The following COL2A1 variants were observed in gnomAD, a reference collection of about 807,000 sequenced individuals.
The protein encoded by COL2A1 is collagen type II alpha 1 chain, also known as collagen alpha-1(II) chain.
Under a neutral mutation model 204.5 loss-of-function variants are expected in COL2A1, and 28 were observed. The ratio of observed to expected loss-of-function variants is 0.14; its 90% CI spans 0.10 to 0.19. COL2A1 has a LOEUF of 0.19. COL2A1 is among the 10% of genes least tolerant of loss of function. The pLI, the probability that COL2A1 is intolerant of heterozygous loss-of-function variation, is 1.00. For missense variants in COL2A1, 1,388 were observed against 2,027.5 expected (o/e 0.68, Z 6.06); for synonymous variants, 708 against 718.7 (o/e 0.99, Z 0.24).
Position 47,976,994 on chromosome 12 carries a change from A to C in COL2A1, c.3328-75T>G. ...GCCCCCTCCTGTCCCACCCAAGCTG[A>C]GGAATCCCCGGAAACACAGGGCTGG... On this transcript the variant is annotated intron_variant, in intron 47 of 53. Coordinates refer to ENST00000380518, the MANE Select transcript of COL2A1 (RefSeq NM_001844.5). The surrounding 1 kb of genome is among the most constrained non-coding windows in gnomAD (Gnocchi z 4.3). 6.5e-7 allele frequency: 1 copy of C among 1,536,132 alleles called. No individual in the cohort carries two copies. The highest frequency in any genetic ancestry group is 2.3e-5 in the East Asian group (1 of 42,568).
At chr12:47,981,098 G>T in intron 37 of COL2A1, 130 bp from the exon 38 acceptor site, 3 of 1,011,424 alleles carry the variant, frequency 3.0e-6, no homozygotes, top group Non-Finnish European at 4.4e-6. Context: ...AGCAGCCTTA[G>T]TCCTGAACGC....
At position 47,976,600 on chromosome 12, in the gene COL2A1, C is replaced by T. The variant is rs776413647; in HGVS notation, c.3436-33G>A. 3.7e-6 allele frequency: 6 copies of T among 1,607,610 alleles called. No homozygotes were observed. Among genetic ancestry groups the T allele is most frequent in the East Asian group, 2.2e-5 (1 of 44,854 alleles). On this transcript the variant is annotated intron_variant, in intron 48 of 53. Coordinates refer to ENST00000380518, the MANE Select transcript of COL2A1 (RefSeq NM_001844.5). The surrounding 1 kb of genome is among the most constrained non-coding windows in gnomAD (Gnocchi z 4.3). ...GAAGGAAGAGGCAAAAGGCCACGGTCAGCACAGACATATCTATCTATATTC... is the reference window on the plus strand; with the variant it reads ...GAAGGAAGAGGCAAAAGGCCACGGTTAGCACAGACATATCTATCTATATTC...
At chr12:47,992,778 C>T (rs1160610940) in intron 16 of COL2A1, 100 bp downstream of exon 16, 2 of 1,219,232 alleles carry the variant, frequency 1.6e-6, no homozygotes, top group Admixed American at 1.8e-5. Context: ...TAACAATACT[C>T]CCTATGCCTC....
At position 47,989,273 on chromosome 12, in the gene COL2A1, G is replaced by C. The variant is rs202002349; in HGVS notation, c.1077C>G (p.Val359=). The stretch of plus-strand genomic sequence containing the variant: ...GGAAGCCAGGACCACCAGCAGGACC[G>C]ACAGGACCCTGGAGAGAGTAGGCGG... ...QPGPAGPPGP[V]GPAGGPGFPG... Residue 359 remains valine, a synonymous_variant, in exon 18 of 54, where the codon GTC becomes GTG. Transcript: ENST00000380518. The C allele has an allele frequency of 3.9e-5, 63 of 1,612,778 alleles. No homozygotes were observed. The highest frequency in any genetic ancestry group is 5.3e-5 in the Non-Finnish European group (62 of 1,179,732).
chr12:47,992,488 T>A (rs1939752947), intron 16 of COL2A1, among the ~76,000 whole-genome samples: 1 of 152,212 alleles, frequency 6.6e-6, no homozygotes, highest in African/African-American at 2.4e-5. Context: ...GCCCTGTGAG[T>A]TGATGCTCAC....
Position 47,978,049 on chromosome 12 carries a change from A to G in COL2A1, c.3072T>C (p.Pro1024=). ...GDRGPPGPVG[P]PGLTGPAGEP... is the part of the protein sequence containing the mutation. Reference sequence around the variant, plus strand: ...CACCTGCAGGACCCGTCAGGCCAGGAGGACCCACGGGGCCAGGAGGACCTC... The same window carrying G: ...CACCTGCAGGACCCGTCAGGCCAGGGGGACCCACGGGGCCAGGAGGACCTC... Residue 1024 remains proline, a synonymous_variant, in exon 44 of 54, where the codon CCT becomes CCC. Coordinates refer to ENST00000380518, the MANE Select transcript of COL2A1 (RefSeq NM_001844.5). The surrounding 1 kb of genome is among the most constrained non-coding windows in gnomAD (Gnocchi z 5.5). 6.2e-7 allele frequency: 1 copy of G among 1,613,716 alleles called. No individual in the cohort carries two copies. The highest frequency in any genetic ancestry group is 8.5e-7 in the Non-Finnish European group (1 of 1,179,956).
At chr12:48,005,462 G>A (rs1940431383), upstream of COL2A1, 1 of 152,250 alleles carries the variant, frequency 6.6e-6, no homozygotes, top group Admixed American at 6.5e-5. Context: ...CACTGCTGCG[G>A]CCCTGGCCAG....
Position 47,978,066 on chromosome 12 carries a change from G to A in COL2A1, c.3055C>T (p.Pro1019Ser). Residue 1019 changes from proline to serine, a missense_variant, in exon 44 of 54, where the codon CCT becomes TCT. Coordinates refer to ENST00000380518, the MANE Select transcript of COL2A1 (RefSeq NM_001844.5). The surrounding 1 kb of genome is among the most constrained non-coding windows in gnomAD (Gnocchi z 5.5). ...APGASGDRGP[P>S]GPVGPPGLTG... ...AGGCCAGGAGGACCCACGGGGCCAG[G>A]AGGACCTCTGTCTCCAGATGCTCCA... 1.2e-6 allele frequency: 2 copies of A among 1,613,832 alleles called. No individual in the cohort carries two copies. Among genetic ancestry groups the A allele is most frequent in the Non-Finnish European group, 1.7e-6 (2 of 1,180,014 alleles).
chr12:47,975,625 G>T lies in COL2A1; in HGVS notation c.3598-20C>A, dbSNP rs772459210. The T allele has an allele frequency of 1.3e-6, 2 of 1,597,438 alleles. No individual in the cohort carries two copies. Among genetic ancestry groups the T allele is most frequent in the African/African-American group, 1.3e-5 (1 of 74,954 alleles). ...AGGACCCTGCAGCAGGAAACAGAGA[G>T]ATCAGCCAGGATTGTGTGAAAGTGC... On this transcript the variant is annotated intron_variant, in intron 50 of 53. Transcript: ENST00000380518.
Position 47,985,398 on chromosome 12 carries a change from A to G in COL2A1, c.1734+136T>C, listed in dbSNP as rs927409322. The G allele has an allele frequency of 1.1e-5, 10 of 948,792 alleles. No homozygotes were observed. In the Admixed American group the frequency reaches 1.7e-4, roughly 16 times the overall value. The allele number at this position is 948,792 out of a possible 1,614,324, so 58.8% of individuals were successfully genotyped here. A position where few individuals can be genotyped will look rare whatever the true frequency, so the allele number is the denominator to read the frequency against. ...CAGGTTACATCTGGCCCCAGTGCCT[A>G]CCATCTACCCCCTGTCACAATTCTC... is the stretch of plus-strand genomic sequence containing the variant. On this transcript the variant is annotated intron_variant, in intron 26 of 53. Transcript: ENST00000380518.
intron 1 of COL2A1, among the ~76,000 whole-genome samples, chr12:48,001,796 C>G (rs561690226): frequency 2.6e-5 from 4 of 152,296 alleles, no homozygotes; most frequent in South Asian, 2.1e-4. Context: ...TAGGTGTGGA[C>G]GGAGGAGCCC....
chr12:47,993,014 G>A (rs141935595), intron 15 of COL2A1, 83 bp from the exon 16 acceptor site: 76 of 1,300,410 alleles, frequency 5.8e-5, no homozygotes, highest in Middle Eastern at 3.6e-4. Flanking sequence ...GGCCCTTTGC[G>A]GATACCAGAG....
chr12:47,998,104 A>G (rs2136628854), intron 4 of COL2A1, 40 bp from the exon 5 acceptor site: 1 of 1,614,196 alleles, frequency 6.2e-7, no homozygotes, highest in Non-Finnish European at 8.5e-7. Context: ...GTTAGAGGAG[A>G]GCACAAGGAA....
chr12:47,980,749 TG>T lies in COL2A1; in HGVS notation c.2518-89del, dbSNP rs902177051. 1.4e-6 allele frequency: 2 copies of T among 1,426,710 alleles called. No individual in the cohort carries two copies. Among genetic ancestry groups the T allele is most frequent in the African/African-American group, 2.8e-5 (2 of 70,498 alleles). 88.4% of individuals were successfully genotyped at this position (1,426,710 alleles called of 1,614,324 possible). A position where few individuals can be genotyped will look rare whatever the true frequency, so the allele number is the denominator to read the frequency against. The stretch of plus-strand genomic sequence containing the variant: ...AAGAGCAGGAGACTCTGTGAGTATC[TG>T]CGTGTGTGTCCTGGTCTGGACATGA... On this transcript the variant is annotated intron_variant, in intron 38 of 53. Transcript: ENST00000380518. The surrounding 1 kb of genome is among the most constrained non-coding windows in gnomAD (Gnocchi z 4.5).
At chr12:47,982,787 C>T (rs1291636722) in intron 33 of COL2A1, 61 bp downstream of exon 33, 41 of 1,465,650 alleles carry the variant, frequency 2.8e-5, no homozygotes, top group Middle Eastern at 3.5e-4. Context: ...CTCCTCTTCT[C>T]CCTGCTCAGT....
intron 29 of COL2A1, 160 bp downstream of exon 29, chr12:47,983,927 C>G: frequency 1.1e-6 from 1 of 928,966 alleles, no homozygotes; most frequent in South Asian, 1.4e-5. Context: ...TGGGTCCACA[C>G]AGCCTCCTGG....
chr12:47,990,300 G>A (rs369472910), intron 16 of COL2A1, among the ~76,000 whole-genome samples: 5 of 152,314 alleles, frequency 3.3e-5, no homozygotes, highest in South Asian at 2.1e-4. Flanking sequence ...GTGAGCCACC[G>A]CACCTGGCCC....
rs753436849 is a variant in COL2A1, at chr12:47,976,970, C to A, written c.3328-51G>T. 5 of 1,516,996 alleles carry A rather than the reference C, an allele frequency of 3.3e-6. No individual in the cohort carries two copies. The South Asian group carries it at 3.5e-5, about 11-fold the overall frequency. 94.0% of individuals were successfully genotyped at this position (1,516,996 alleles called of 1,614,324 possible). On this transcript the variant is annotated intron_variant, in intron 47 of 53. Coordinates refer to ENST00000380518, the MANE Select transcript of COL2A1 (RefSeq NM_001844.5). This position sits in a 1 kb window ranked among gnomAD's most constrained non-coding sequence, Gnocchi z 4.3. ...AGTCAGGTCAGGGCCAGGACAGGAG[C>A]CCCCTCCTGTCCCACCCAAGCTGAG...
rs745469244 is a variant in COL2A1 at position 48,000,139 on chromosome 12, G to T, written c.86-14C>A. On this transcript the variant is annotated splice_polypyrimidine_tract_variant and intron_variant, in intron 1 of 53. Transcript: ENST00000380518. ...TGCCAGCCTCCTCTGCACCAAGGGT[G>T]GGGAGGGAGAAGCAGAGAGCCAAGG... is the stretch of plus-strand genomic sequence containing the variant. The T allele has an allele frequency of 3.7e-6, 6 of 1,603,668 alleles. No homozygotes were observed. The highest frequency in any genetic ancestry group is 5.1e-6 in the Non-Finnish European group (6 of 1,172,666).
Sources: allele counts gnomAD v4.1 joint callset (sites outside exome capture counted in the v4.1 genomes callset), GRCh38; gene constraint gnomAD v4.1.1; non-coding constraint Gnocchi (gnomAD v3.1); transcripts MANE v1.5; gene names NCBI Gene and HGNC (gene_info 2026-07-23, HGNC 2026-07-21).